BCHE: variants seen among roughly 807,000 people sequenced by gnomAD.
BCHE encodes cholinesterase.
A neutral mutation model predicts 51.3 loss-of-function variants in BCHE; 48 were observed. The observed-to-expected ratio is 0.94, with a 90% CI of 0.74 to 1.19. The LOEUF (loss-of-function observed/expected upper bound fraction) is 1.19, where lower values mean the gene tolerates loss of function less well. BCHE is among the 50% of genes most tolerant of loss of function. The pLI, the probability that BCHE is intolerant of heterozygous loss-of-function variation, is 0.00. For synonymous variants in BCHE, 251 were observed against 238.0 expected, an observed-to-expected ratio of 1.05 and a Z score of -0.50; for missense variants, 847 against 708.2, an observed-to-expected ratio of 1.20 and a Z score of -2.23.
chr3:165,778,708 G>T (rs1288969969), intron 3 of BCHE: 1 of 453,658 alleles, frequency 2.2e-6, no homozygotes, highest in Non-Finnish European at 4.5e-6. Flanking sequence ...TGCTAGTGCA[G>T]TTCCTGGCTC....
intron 2 of BCHE, among the ~76,000 whole-genome samples, chr3:165,791,033 C>T (rs1272510103): frequency 6.6e-6 from 1 of 152,168 alleles, no homozygotes; most frequent in Admixed American, 6.5e-5. Context: ...CACGGTGGCT[C>T]ACGCCTGTAA....
At chr3:165,783,383 C>A (rs1712792807) in intron 3 of BCHE, among the ~76,000 whole-genome samples, 1 of 152,052 alleles carries the variant, frequency 6.6e-6, no homozygotes, top group African/African-American at 2.4e-5. Context: ...TTATTCGAAG[C>A]CACTTGTTTA....
At chr3:165,826,727 T>C (rs972400371) in intron 2 of BCHE, among the ~76,000 whole-genome samples, 8 of 152,196 alleles carry the variant, frequency 5.3e-5, no homozygotes, top group Non-Finnish European at 1.2e-4. Context: ...AAAACTCATT[T>C]TCCTAAATGA....
At chr3:165,776,320 G>A (rs1712469465) in intron 3 of BCHE, among the ~76,000 whole-genome samples, 1 of 151,946 alleles carries the variant, frequency 6.6e-6, no homozygotes, top group South Asian at 2.1e-4. Flanking sequence ...TACTTATTGT[G>A]AAGGGGATCA....
Position 165,829,759 on chromosome 3 carries a change from A to G in BCHE, c.1275T>C (p.Asn425=), listed in dbSNP as rs1302417611. 2 of 1,613,958 alleles carry G rather than the reference A, an allele frequency of 1.2e-6. No individual in the cohort carries two copies. Among genetic ancestry groups the G allele is most frequent in the African/African-American group, 1.3e-5 (1 of 75,030 alleles). ...EALGDVVGDY[N]FICPALEFTK... ...TGAACTCCAAGGCAGGGCATATGAA[A>G]TTATAATCCCCAACAACATCACCCA... The change falls in exon 2 of 4, where the codon AAT becomes AAC. Residue 425 remains asparagine, a synonymous_variant. Coordinates refer to ENST00000264381, the MANE Select transcript of BCHE (RefSeq NM_000055.4).
At chr3:165,810,606 G>T (rs1288242966) in intron 2 of BCHE, among the ~76,000 whole-genome samples, 3 of 152,118 alleles carry the variant, frequency 2.0e-5, no homozygotes, top group Non-Finnish European at 4.4e-5. Flanking sequence ...TAGGAAATAT[G>T]AAAACAAACA....
At chr3:165,782,033 T>C (rs1219693350) in intron 3 of BCHE, among the ~76,000 whole-genome samples, 1 of 152,080 alleles carries the variant, frequency 6.6e-6, no homozygotes, top group Non-Finnish European at 1.5e-5. Context: ...CTAGCAATTT[T>C]AGTATAAATT....
At chr3:165,793,508 C>T (rs540441161) in intron 2 of BCHE, among the ~76,000 whole-genome samples, 3 of 152,276 alleles carry the variant, frequency 2.0e-5, no homozygotes, top group South Asian at 2.1e-4. Context: ...GTGCCTGACT[C>T]ATAGTGTGCA....
At chr3:165,818,884 G>A (rs1292185215) in intron 2 of BCHE, among the ~76,000 whole-genome samples, 1 of 151,988 alleles carries the variant, frequency 6.6e-6, no homozygotes, top group Non-Finnish European at 1.5e-5. Flanking sequence ...GAGACATAGA[G>A]GGAACAATTA....
At chr3:165,824,038 A>T (rs1293028634) in intron 2 of BCHE, among the ~76,000 whole-genome samples, 1 of 151,948 alleles carries the variant, frequency 6.6e-6, no homozygotes, top group Non-Finnish European at 1.5e-5. Context: ...TGGCTTCCCA[A>T]AGTGGTGGGA....
chr3:165,775,278 G>A (rs1332708152), intron 3 of BCHE, among the ~76,000 whole-genome samples: 1 of 151,752 alleles, frequency 6.6e-6, no homozygotes, highest in Non-Finnish European at 1.5e-5. Flanking sequence ...CACAATGCTT[G>A]GACATTGGAA....
intron 2 of BCHE, among the ~76,000 whole-genome samples, chr3:165,806,275 A>G (rs1242109153): frequency 1.3e-5 from 2 of 151,854 alleles, no homozygotes; most frequent in East Asian, 3.9e-4. Context: ...CTCTTTCTCT[A>G]TCACCTCTCG....
At position 165,831,055 on chromosome 3, in the gene BCHE, A is replaced by G. The variant is rs1358089568; in HGVS notation, c.-8-14T>C. 2 of 1,592,988 alleles carry G rather than the reference A, an allele frequency of 1.3e-6. No individual in the cohort carries two copies. The highest frequency in any genetic ancestry group is 1.7e-5 in the Admixed American group (1 of 59,402). Reference sequence around the variant, plus strand: ...GCATATTGATTTCTGAAAGAGAGGTAAGTATAATGTTTTATAAGCCTTCTG... The same window carrying G: ...GCATATTGATTTCTGAAAGAGAGGTGAGTATAATGTTTTATAAGCCTTCTG... On this transcript the variant is annotated splice_polypyrimidine_tract_variant and intron_variant, in intron 1 of 3. Transcript: ENST00000264381.
Position 165,830,915 on chromosome 3 carries a change from T to C in BCHE, c.119A>G (p.Lys40Arg), listed in dbSNP as rs116047990. ...AACTGTCAAGTTCATCCCTCTGACTTTTCCATTCTTTGTTGCAATTATGAT... is the reference window on the plus strand; with the variant it reads ...AACTGTCAAGTTCATCCCTCTGACTCTTCCATTCTTTGTTGCAATTATGAT... Reference protein sequence around the residue: ...DDIIIATKNGKVRGMNLTVFG... With the variant: ...DDIIIATKNGRVRGMNLTVFG... Residue 40 changes from lysine (K) to arginine (R), a missense_variant, in exon 2 of 4, where the codon AAA (lysine) becomes AGA (arginine). Transcript: ENST00000264381. 543 of 1,613,930 alleles carry C rather than the reference T, an allele frequency of 3.4e-4. 3 individuals carry two copies. The African/African-American group carries it at 6.3e-3, about 19-fold the overall frequency.
intron 2 of BCHE, among the ~76,000 whole-genome samples, chr3:165,791,759 AGT>A (rs1167254399): frequency 6.6e-6 from 1 of 151,894 alleles, no homozygotes; most frequent in Non-Finnish European, 1.5e-5. Flanking sequence ...GCAAGACCAG[AGT>A]GGCCAACGTG....
At chr3:165,778,196 C>A (rs2108195695) in intron 3 of BCHE, 1 of 151,920 alleles carries the variant, frequency 6.6e-6, no homozygotes, top group Non-Finnish European at 1.5e-5. Flanking sequence ...TACACTAAAA[C>A]AAGAAAAAGC....
intron 2 of BCHE, among the ~76,000 whole-genome samples, chr3:165,825,475 T>A (rs927801877): frequency 6.6e-6 from 1 of 152,118 alleles, no homozygotes; most frequent in African/African-American, 2.4e-5. Flanking sequence ...AAGCTGAGAT[T>A]CATTGAAATT....
intron 3 of BCHE, chr3:165,777,787 C>T (rs751579980): frequency 1.3e-5 from 6 of 453,580 alleles, no homozygotes; most frequent in African/African-American, 1.0e-4. Context: ...CCTCCTCCTA[C>T]TCCTCAGCCT....
intron 2 of BCHE, among the ~76,000 whole-genome samples, chr3:165,793,038 T>C (rs895976684): frequency 1.3e-5 from 2 of 152,172 alleles, no homozygotes. Flanking sequence ...TTAATACAGT[T>C]CCATTTGTCT....
Sources: gnomAD v4.1 joint callset for allele counts (sites outside exome capture counted in the v4.1 genomes callset) on GRCh38, gnomAD v4.1.1 for gene constraint, MANE v1.5 for transcripts, NCBI Gene and HGNC (gene_info 2026-07-23, HGNC 2026-07-21) for gene names.